The following LRFN5 variants were observed in gnomAD, a reference collection of about 807,000 sequenced individuals.
The protein encoded by LRFN5 is leucine-rich repeat and fibronectin type-III domain-containing protein 5.
In LRFN5, 24 loss-of-function variants were observed where a neutral mutation model predicts 45.6. The ratio of observed to expected loss-of-function variants is 0.53; its 90% CI spans 0.38 to 0.74. The LOEUF (loss-of-function observed/expected upper bound fraction) is 0.74. Among genes scored for constraint, LRFN5 ranks in the 30% least tolerant of loss-of-function variants. The probability of loss-of-function intolerance (pLI) is 0.00; values close to 1 mark genes in which losing one functional copy is unlikely to be tolerated. For missense variants in LRFN5, 776 were observed against 861.5 expected (o/e 0.90, Z 1.24); for synonymous variants, 340 against 313.8 (o/e 1.08, Z -0.88).
chr14:41,793,149 T>TA (rs553628775), intron 2 of LRFN5, among the ~76,000 whole-genome samples: 54 of 144,416 alleles, frequency 3.7e-4, no homozygotes, highest in South Asian at 1.8e-3. Context: ...AAAGTATAAT[T>TA]AAAAAAAAAA....
chr14:41,814,620 A>G (rs1443148354), intron 2 of LRFN5, among the ~76,000 whole-genome samples: 5 of 152,156 alleles, frequency 3.3e-5, no homozygotes, highest in Non-Finnish European at 5.9e-5. Flanking sequence ...TTGTTAGGTT[A>G]AGAGAATCTT....
chr14:41,899,569 G>A (rs1043523619), intron 5 of LRFN5, among the ~76,000 whole-genome samples: 4 of 152,096 alleles, frequency 2.6e-5, no homozygotes, highest in African/African-American at 9.7e-5. Context: ...GGATCAGAGA[G>A]TGTGTTTCCA....
At chr14:41,853,296 A>T (rs1485174624) in intron 2 of LRFN5, among the ~76,000 whole-genome samples, 1 of 152,012 alleles carries the variant, frequency 6.6e-6, no homozygotes, top group East Asian at 1.9e-4. Context: ...TCTGTTCTGG[A>T]TACAATAAGT....
At chr14:41,645,280 G>C (rs751480087) in intron 1 of LRFN5, among the ~76,000 whole-genome samples, 10 of 152,120 alleles carry the variant, frequency 6.6e-5, no homozygotes, top group Non-Finnish European at 1.3e-4. Context: ...TGTCACCCAG[G>C]CTGGAGCGCA....
chr14:41,836,532 G>T (rs530499183), intron 2 of LRFN5, among the ~76,000 whole-genome samples: 2 of 152,072 alleles, frequency 1.3e-5, no homozygotes, highest in Admixed American at 6.6e-5. Flanking sequence ...GTTATAGGAC[G>T]CTATAAGTAA....
At chr14:41,848,272 C>G (rs567028892) in intron 2 of LRFN5, among the ~76,000 whole-genome samples, 2 of 151,862 alleles carry the variant, frequency 1.3e-5, no homozygotes, top group Admixed American at 6.6e-5. Context: ...GTCTTGGTAT[C>G]GTAGAATAAG....
At chr14:41,746,888 G>A (rs938873915) in intron 1 of LRFN5, among the ~76,000 whole-genome samples, 2 of 151,850 alleles carry the variant, frequency 1.3e-5, no homozygotes, top group Admixed American at 6.6e-5. Flanking sequence ...CACACAAAGA[G>A]CATTTGCAGT....
intron 1 of LRFN5, among the ~76,000 whole-genome samples, chr14:41,721,773 G>T (rs1369184139): frequency 2.0e-5 from 3 of 152,070 alleles, no homozygotes; most frequent in African/African-American, 7.2e-5. Flanking sequence ...ATGTAATCTA[G>T]TCTTTTTCTC....
chr14:41,817,094 C>T (rs1163866302), intron 2 of LRFN5, among the ~76,000 whole-genome samples: 1 of 139,784 alleles, frequency 7.2e-6, no homozygotes, highest in African/African-American at 2.7e-5. Flanking sequence ...TTCTTTATTT[C>T]TGTTACAATG....
chr14:41,873,741 C>G (rs1215787811), intron 2 of LRFN5, among the ~76,000 whole-genome samples: 2 of 152,114 alleles, frequency 1.3e-5, no homozygotes, highest in Admixed American at 1.3e-4. Flanking sequence ...TTCCATATTT[C>G]TAGATGCCTG....
chr14:41,834,659 G>T (rs1269177650), intron 2 of LRFN5, among the ~76,000 whole-genome samples: 1 of 151,924 alleles, frequency 6.6e-6, no homozygotes, highest in Non-Finnish European at 1.5e-5. Context: ...TTGTTTGTTT[G>T]TTTTGTTTTG....
At chr14:41,708,501 G>T (rs779388010) in intron 1 of LRFN5, among the ~76,000 whole-genome samples, 4 of 151,912 alleles carry the variant, frequency 2.6e-5, no homozygotes, top group Non-Finnish European at 5.9e-5. Context: ...TCTAATCACT[G>T]TTCAAATTTC....
At chr14:41,795,222 A>G (rs1594716228) in intron 2 of LRFN5, among the ~76,000 whole-genome samples, 1 of 152,238 alleles carries the variant, frequency 6.6e-6, no homozygotes, top group South Asian at 2.1e-4. Flanking sequence ...CAAAACCACA[A>G]TGAGATACCA....
chr14:41,782,684 C>T (rs1191662773), intron 2 of LRFN5, among the ~76,000 whole-genome samples: 1 of 152,082 alleles, frequency 6.6e-6, no homozygotes, highest in East Asian at 1.9e-4. Flanking sequence ...TAGAGATGGA[C>T]TTTGTTTAGC....
chr14:41,616,217 G>A (rs1216800490), intron 1 of LRFN5, among the ~76,000 whole-genome samples: 1 of 151,984 alleles, frequency 6.6e-6, no homozygotes, highest in East Asian at 1.9e-4. Flanking sequence ...TTACTCTAAG[G>A]TGACTGGCTG....
At chr14:41,637,797 T>C (rs1369589422) in intron 1 of LRFN5, among the ~76,000 whole-genome samples, 1 of 152,122 alleles carries the variant, frequency 6.6e-6, no homozygotes, top group Non-Finnish European at 1.5e-5. Context: ...TATGACCGCA[T>C]TCTTCATAAT....
intron 2 of LRFN5, among the ~76,000 whole-genome samples, chr14:41,839,382 C>G (rs931733933): frequency 6.6e-6 from 1 of 151,920 alleles, no homozygotes; most frequent in Non-Finnish European, 1.5e-5. Flanking sequence ...TGTTGGTATT[C>G]AGAAATGTAT....
intron 2 of LRFN5, among the ~76,000 whole-genome samples, chr14:41,877,538 T>G (rs911557244): frequency 1.3e-5 from 2 of 152,014 alleles, no homozygotes; most frequent in African/African-American, 4.8e-5. Flanking sequence ...TAAAATTATT[T>G]GTTTTGTGTA....
chr14:41,877,667 A>G (rs904742714), intron 2 of LRFN5, among the ~76,000 whole-genome samples: 1 of 152,040 alleles, frequency 6.6e-6, no homozygotes, highest in African/African-American at 2.4e-5. Context: ...GAGAACAAAA[A>G]TTACAGGATA....
Sources: allele counts gnomAD v4.1 joint callset (sites outside exome capture counted in the v4.1 genomes callset), GRCh38; gene constraint gnomAD v4.1.1; transcripts MANE v1.5; gene names NCBI Gene and HGNC (gene_info 2026-07-23, HGNC 2026-07-21).